The following PDE4D variants were observed in gnomAD, a reference collection of about 807,000 sequenced individuals.
PDE4D encodes 3',5'-cyclic-AMP phosphodiesterase 4D.
Under a neutral mutation model 87.4 loss-of-function variants are expected in PDE4D, and 24 were observed. The ratio of observed to expected loss-of-function variants is 0.27; its 90% CI spans 0.20 to 0.39. The LOEUF (loss-of-function observed/expected upper bound fraction) is 0.39, where lower values mean the gene tolerates loss of function less well. Ranked by LOEUF, PDE4D falls within the 10% of genes least tolerant of loss-of-function variation. The pLI, the probability that PDE4D is intolerant of heterozygous loss-of-function variation, is 1.00. For missense variants in PDE4D, 714 were observed against 1,041.0 expected (o/e 0.69, Z 4.32); for synonymous variants, 384 against 383.2 (o/e 1.00, Z -0.02).
intron 1 of PDE4D, among the ~76,000 whole-genome samples, chr5:59,341,197 T>C (rs1410264726): frequency 6.6e-6 from 1 of 152,160 alleles, no homozygotes. Flanking sequence ...AGCTTCCTTC[T>C]GGGTGGCATT....
chr5:60,267,830 TCTC>T (rs1413298096), intron 1 of PDE4D, among the ~76,000 whole-genome samples: 1 of 152,064 alleles, frequency 6.6e-6, no homozygotes, highest in Non-Finnish European at 1.5e-5. Flanking sequence ...AGAAAACACT[TCTC>T]CTTTATTTGT....
chr5:59,137,525 CTTT>C (rs61134818), intron 5 of PDE4D, among the ~76,000 whole-genome samples: 4 of 139,584 alleles, frequency 2.9e-5, no homozygotes, highest in Non-Finnish European at 3.1e-5. Context: ...GGGAAAGTTT[CTTT>C]TTTTTTTTTT....
At chr5:59,409,966 T>G (rs1157215833) in intron 1 of PDE4D, among the ~76,000 whole-genome samples, 1 of 152,176 alleles carries the variant, frequency 6.6e-6, no homozygotes, top group Admixed American at 6.5e-5. Context: ...TATATGAATT[T>G]ATGGGTCACA....
At chr5:60,119,860 G>C (rs186325567) in intron 2 of PDE4D, among the ~76,000 whole-genome samples, 82 of 152,270 alleles carry the variant, frequency 5.4e-4, no homozygotes, top group African/African-American at 2.0e-3. Flanking sequence ...AGAAAGTTTG[G>C]TCTTTGGTCA....
At chr5:59,000,013 T>G (rs1306553185) in intron 6 of PDE4D, 3 of 680,860 alleles carry the variant, frequency 4.4e-6, no homozygotes, top group Non-Finnish European at 5.4e-6. Context: ...GCTCTTAGCC[T>G]ATAAGGCGAG....
At chr5:60,164,168 TATG>T (rs751382476) in intron 2 of PDE4D, among the ~76,000 whole-genome samples, 15 of 152,058 alleles carry the variant, frequency 9.9e-5, no homozygotes, top group African/African-American at 1.4e-4. Flanking sequence ...AAACTCTCAA[TATG>T]ATGACAAATC....
At chr5:59,194,643 G>A (rs1745049593) in intron 2 of PDE4D, among the ~76,000 whole-genome samples, 1 of 152,136 alleles carries the variant, frequency 6.6e-6, no homozygotes, top group African/African-American at 2.4e-5. Context: ...GGAAGCATGT[G>A]TTATTTTACA....
chr5:59,758,924 TAATAGAG>T (rs1340769879), intron 1 of PDE4D, among the ~76,000 whole-genome samples: 1 of 152,162 alleles, frequency 6.6e-6, no homozygotes, highest in African/African-American at 2.4e-5. Flanking sequence ...TATGACTTAT[TAATAGAG>T]TCTCCAAGTC....
chr5:60,242,697 A>G (rs945770660), intron 1 of PDE4D, among the ~76,000 whole-genome samples: 1 of 152,112 alleles, frequency 6.6e-6, no homozygotes, highest in Non-Finnish European at 1.5e-5. Context: ...AACTAAACAG[A>G]CACATAGAAA....
chr5:59,152,942 C>G (rs985182337), intron 5 of PDE4D, among the ~76,000 whole-genome samples: 5 of 151,860 alleles, frequency 3.3e-5, no homozygotes, highest in African/African-American at 4.8e-5. Flanking sequence ...CTTCTCCTCT[C>G]AAGAAAAGGA....
chr5:59,564,645 GAATT>G (rs1032900458), intron 1 of PDE4D, among the ~76,000 whole-genome samples: 2 of 152,128 alleles, frequency 1.3e-5, no homozygotes, highest in African/African-American at 4.8e-5. Flanking sequence ...GAGAAAACAT[GAATT>G]AATTAATTAA....
At chr5:60,269,983 C>T (rs188736582) in intron 1 of PDE4D, among the ~76,000 whole-genome samples, 1 of 152,186 alleles carries the variant, frequency 6.6e-6, no homozygotes, top group Admixed American at 6.5e-5. Flanking sequence ...AGAACTTGAA[C>T]CAGGGGAGAG....
At chr5:59,839,687 G>A (rs1742683853) in intron 1 of PDE4D, among the ~76,000 whole-genome samples, 2 of 151,904 alleles carry the variant, frequency 1.3e-5, no homozygotes, top group Admixed American at 1.3e-4. Flanking sequence ...ATAGCTCCTG[G>A]CATCACATCC....
chr5:59,861,094 C>T (rs1376705076), intron 1 of PDE4D, among the ~76,000 whole-genome samples: 1 of 150,530 alleles, frequency 6.6e-6, no homozygotes. Context: ...TGGTTTCGAA[C>T]TCCTGACCTC....
rs180803792 is a variant in PDE4D at position 59,041,318 on chromosome 5, A to G, written c.809-2347T>C. Among the ~76,000 whole-genome samples, 17 of 152,322 alleles carry G rather than the reference A, an allele frequency of 1.1e-4. No homozygotes were observed. In the East Asian group the frequency reaches 3.3e-3, roughly 29 times the overall value. On this transcript the variant is annotated intron_variant, in intron 5 of 14. Coordinates refer to ENST00000340635, the MANE Select transcript of PDE4D (RefSeq NM_001104631.2). ...GAAGTCCATTGTAACCCCACACCCT[A>G]AAGATCACAAACAATACTTTCGCCT...
chr5:60,225,485 A>T (rs1412517882), intron 1 of PDE4D, among the ~76,000 whole-genome samples: 1 of 152,066 alleles, frequency 6.6e-6, no homozygotes, highest in Non-Finnish European at 1.5e-5. Flanking sequence ...TAATTGTTTC[A>T]AAATATTTTC....
chr5:59,578,977 CA>C (rs1331620706), intron 1 of PDE4D, among the ~76,000 whole-genome samples: 1 of 151,742 alleles, frequency 6.6e-6, no homozygotes, highest in Admixed American at 6.6e-5. Flanking sequence ...CGTTCTTAAG[CA>C]AAATTTTGAA....
intron 1 of PDE4D, among the ~76,000 whole-genome samples, chr5:59,541,565 C>A (rs1816352937): frequency 6.6e-6 from 1 of 152,108 alleles, no homozygotes; most frequent in Non-Finnish European, 1.5e-5. Context: ...GAAGGAATTC[C>A]CCATGGGATA....
chr5:59,627,211 CA>C (rs1167215892), intron 1 of PDE4D, among the ~76,000 whole-genome samples: 2 of 152,154 alleles, frequency 1.3e-5, no homozygotes, highest in Non-Finnish European at 2.9e-5. Flanking sequence ...TACCATTCCT[CA>C]AATTTAACTG....
Sources: gnomAD v4.1 joint callset for allele counts (sites outside exome capture counted in the v4.1 genomes callset) on GRCh38, gnomAD v4.1.1 for gene constraint, MANE v1.5 for transcripts, NCBI Gene and HGNC (gene_info 2026-07-23, HGNC 2026-07-21) for gene names.